Variants in SGCZ observed in about 807,000 individuals in gnomAD.
SGCZ encodes zeta-sarcoglycan.
SGCZ carries 40 observed loss-of-function variants against 41.3 expected under a neutral mutation model. That is an observed-to-expected ratio of 0.97 (90% CI 0.75 to 1.26). The LOEUF is 1.26. Ranked by LOEUF, SGCZ falls within the 50% of genes most tolerant of loss-of-function variation. The probability of loss-of-function intolerance (pLI) is 0.00; values close to 1 mark genes in which losing one functional copy is unlikely to be tolerated. For synonymous variants in SGCZ, 206 were observed against 137.5 expected, an observed-to-expected ratio of 1.50 and a Z score of -3.49; for missense variants, 552 against 369.8, an observed-to-expected ratio of 1.49 and a Z score of -4.04.
At chr8:14,367,911 A>C (rs2117152155) in intron 2 of SGCZ, among the ~76,000 whole-genome samples, 1 of 152,212 alleles carries the variant, frequency 6.6e-6, no homozygotes, top group African/African-American at 2.4e-5. Flanking sequence ...GAAAAGTCTG[A>C]TCTCTAACTA....
chr8:14,465,895 T>G (rs1257217175), intron 2 of SGCZ, among the ~76,000 whole-genome samples: 1 of 151,892 alleles, frequency 6.6e-6, no homozygotes, highest in Non-Finnish European at 1.5e-5. Flanking sequence ...GAAAACAAAA[T>G]GTAAGTTACA....
chr8:14,281,104 A>G (rs1800417362), intron 3 of SGCZ, among the ~76,000 whole-genome samples: 1 of 151,930 alleles, frequency 6.6e-6, no homozygotes, highest in Admixed American at 6.6e-5. Flanking sequence ...AAAATGTTTC[A>G]GTCACATTCT....
chr8:14,253,045 T>C (rs1377220218), intron 3 of SGCZ, among the ~76,000 whole-genome samples: 3 of 152,136 alleles, frequency 2.0e-5, no homozygotes, highest in African/African-American at 4.8e-5. Context: ...GCATAACCAA[T>C]GAACTCATTA....
chr8:14,937,904 A>G (rs898356809), intron 1 of SGCZ, among the ~76,000 whole-genome samples: 5 of 152,168 alleles, frequency 3.3e-5, no homozygotes, highest in African/African-American at 1.2e-4. Context: ...AATAAGTAAT[A>G]TAAGACATTG....
intron 5 of SGCZ, among the ~76,000 whole-genome samples, chr8:14,142,481 T>G (rs1016759383): frequency 2.6e-5 from 4 of 152,182 alleles, no homozygotes; most frequent in African/African-American, 9.7e-5. Context: ...AAGATCCCAT[T>G]AGGCCCATTT....
At chr8:15,111,900 CAAA>C (rs59606190) in intron 1 of SGCZ, among the ~76,000 whole-genome samples, 2 of 140,638 alleles carry the variant, frequency 1.4e-5, no homozygotes, top group Admixed American at 7.2e-5. Flanking sequence ...CTCCGTCTCC[CAAA>C]AAAAAAAAAA....
intron 1 of SGCZ, among the ~76,000 whole-genome samples, chr8:15,048,036 C>A (rs967424729): frequency 1.3e-5 from 2 of 151,942 alleles, no homozygotes; most frequent in Admixed American, 6.6e-5. Context: ...TCTGTATTTC[C>A]ATATTCATTG....
At chr8:14,197,911 A>T (rs1356233324) in intron 4 of SGCZ, among the ~76,000 whole-genome samples, 1 of 152,084 alleles carries the variant, frequency 6.6e-6, no homozygotes, top group Non-Finnish European at 1.5e-5. Context: ...AAAATTAAAA[A>T]ATATATATAA....
chr8:15,116,361 C>G (rs17471523), intron 1 of SGCZ, among the ~76,000 whole-genome samples: 21,826 of 152,110 alleles, frequency 0.14, 2,035 homozygotes, highest in Non-Finnish European at 0.21. Flanking sequence ...ATGAAATAGT[C>G]CAATGAAACC....
At chr8:15,111,921 C>T (rs1473640533) in intron 1 of SGCZ, among the ~76,000 whole-genome samples, 3 of 151,702 alleles carry the variant, frequency 2.0e-5, no homozygotes, top group Non-Finnish European at 4.4e-5. Flanking sequence ...AAAAATCCCT[C>T]CTTTCAGTGT....
At chr8:14,240,221 G>A (rs1030631408) in intron 3 of SGCZ, among the ~76,000 whole-genome samples, 2 of 151,180 alleles carry the variant, frequency 1.3e-5, no homozygotes, top group East Asian at 3.9e-4. Flanking sequence ...CCAGCTACTC[G>A]GGAGGCTGAG....
At chr8:14,662,340 C>A (rs1460989962) in intron 1 of SGCZ, among the ~76,000 whole-genome samples, 1 of 152,064 alleles carries the variant, frequency 6.6e-6, no homozygotes, top group Admixed American at 6.6e-5. Context: ...GTTAAATTAC[C>A]TGAATTTGTT....
chr8:14,783,174 A>G (rs970027212), intron 1 of SGCZ, among the ~76,000 whole-genome samples: 4 of 152,114 alleles, frequency 2.6e-5, no homozygotes, highest in South Asian at 2.1e-4. Context: ...TGGCTCACGC[A>G]TGTAATACCA....
intron 3 of SGCZ, among the ~76,000 whole-genome samples, chr8:14,272,279 C>T (rs1292070477): frequency 6.6e-6 from 1 of 152,198 alleles, no homozygotes; most frequent in Non-Finnish European, 1.5e-5. Context: ...GCTGGGATTA[C>T]AGGCGTAAGC....
At chr8:14,466,275 C>G (rs545801948) in intron 2 of SGCZ, among the ~76,000 whole-genome samples, 34 of 151,898 alleles carry the variant, frequency 2.2e-4, no homozygotes, top group Non-Finnish European at 4.4e-4. Flanking sequence ...TGTTTGTTTG[C>G]TACTTTAAAT....
intron 1 of SGCZ, among the ~76,000 whole-genome samples, chr8:14,702,917 T>G (rs555149562): frequency 1.7e-4 from 23 of 135,864 alleles, no homozygotes; most frequent in South Asian, 7.7e-4. Context: ...AGGTAGGTAG[T>G]TAGGTAGGTA....
intron 2 of SGCZ, among the ~76,000 whole-genome samples, chr8:14,474,641 T>A (rs1038845869): frequency 6.6e-6 from 1 of 152,196 alleles, no homozygotes; most frequent in Non-Finnish European, 1.5e-5. Flanking sequence ...TAAAATTTTT[T>A]AAAAATACTT....
At chr8:15,097,609 C>T (rs1251467041) in intron 1 of SGCZ, among the ~76,000 whole-genome samples, 2 of 151,236 alleles carry the variant, frequency 1.3e-5, no homozygotes. Context: ...TAAAAAAAAT[C>T]AGTCGGGGCA....
At chr8:14,326,757 G>T (rs1005272288) in intron 2 of SGCZ, among the ~76,000 whole-genome samples, 3 of 152,010 alleles carry the variant, frequency 2.0e-5, no homozygotes, top group Non-Finnish European at 4.4e-5. Context: ...TCTGAGAAAG[G>T]GCTGATTTAC....
Sources: gnomAD v4.1 joint callset for allele counts (sites outside exome capture counted in the v4.1 genomes callset) on GRCh38, gnomAD v4.1.1 for gene constraint, MANE v1.5 for transcripts, NCBI Gene and HGNC (gene_info 2026-07-23, HGNC 2026-07-21) for gene names.